Variants in RGS7 observed in about 807,000 individuals in gnomAD.
RGS7 encodes the protein regulator of G protein signaling 7.
In RGS7, 27 loss-of-function variants were observed where a neutral mutation model predicts 81.1. That is an observed-to-expected ratio of 0.33 (90% CI 0.25 to 0.46). The LOEUF is 0.46. Among genes scored for constraint, RGS7 ranks in the 20% least tolerant of loss-of-function variants. RGS7 has a pLI of 1.00. For missense variants in RGS7, 396 were observed against 607.4 expected (o/e 0.65, Z 3.66); for synonymous variants, 208 against 207.7 (o/e 1.00, Z -0.01).
At chr1:240,926,140 A>G (rs1674403245) in intron 6 of RGS7, among the ~76,000 whole-genome samples, 1 of 151,964 alleles carries the variant, frequency 6.6e-6, no homozygotes, top group South Asian at 2.1e-4. Flanking sequence ...AATTAGTTTT[A>G]TTTAGTTTAG....
At chr1:241,128,877 C>T (rs1164767911) in intron 2 of RGS7, among the ~76,000 whole-genome samples, 1 of 147,078 alleles carries the variant, frequency 6.8e-6, no homozygotes, top group Non-Finnish European at 1.5e-5. Context: ...GATTAATTTA[C>T]ATTTCCCTAC....
intron 2 of RGS7, among the ~76,000 whole-genome samples, chr1:241,241,154 G>A (rs1250625441): frequency 6.6e-6 from 1 of 152,000 alleles, no homozygotes; most frequent in Non-Finnish European, 1.5e-5. Context: ...CTAGAGGGGT[G>A]GGGTCTCAAC....
chr1:241,070,148 GT>G (rs1413746057), intron 3 of RGS7, among the ~76,000 whole-genome samples: 2 of 152,148 alleles, frequency 1.3e-5, no homozygotes, highest in Non-Finnish European at 2.9e-5. Context: ...GTGGACAGAG[GT>G]GAAGAGACAT....
chr1:241,048,878 C>G (rs961742493), intron 3 of RGS7, among the ~76,000 whole-genome samples: 1 of 152,188 alleles, frequency 6.6e-6, no homozygotes, highest in Admixed American at 6.5e-5. Context: ...GACCACACTG[C>G]CTCTGAAATC....
intron 6 of RGS7, among the ~76,000 whole-genome samples, chr1:240,875,545 C>A (rs565157214): frequency 2.6e-4 from 40 of 152,162 alleles, no homozygotes; most frequent in Admixed American, 1.4e-3. Flanking sequence ...TTGGGTAGAT[C>A]CCCAGAATTG....
intron 2 of RGS7, among the ~76,000 whole-genome samples, chr1:241,240,342 G>A (rs2076203222): frequency 6.6e-6 from 1 of 152,172 alleles, no homozygotes; most frequent in African/African-American, 2.4e-5. Flanking sequence ...ACGGGAAGAA[G>A]CAACGACTCA....
chr1:241,275,279 G>C (rs2078133288), intron 2 of RGS7, among the ~76,000 whole-genome samples: 1 of 152,166 alleles, frequency 6.6e-6, no homozygotes, highest in African/African-American at 2.4e-5. Flanking sequence ...GATAAAACAT[G>C]GTGGAGTACC....
intron 3 of RGS7, among the ~76,000 whole-genome samples, chr1:241,080,751 C>T (rs1219997804): frequency 1.3e-5 from 2 of 152,140 alleles, no homozygotes. Flanking sequence ...ATATTTTTAA[C>T]ACATGACTGG....
In RGS7 at chr1:240,949,623, A is replaced by G. The variant is rs371744048; in HGVS notation, c.227-12917T>C. Among the ~76,000 whole-genome samples, 20 of 152,202 alleles carry G rather than the reference A, an allele frequency of 1.3e-4. 1 individual carries two copies. The highest frequency in any genetic ancestry group is 4.1e-4 in the South Asian group (2 of 4,830). On this transcript the variant is annotated intron_variant, in intron 4 of 18. Coordinates refer to ENST00000440928, the MANE Select transcript of RGS7 (RefSeq NM_001364886.1). ...AGCATTTTGGGAGGCCAAGGTGGGC[A>G]GATCACCCGAGGTCAGGAGTTTGAG...
intron 3 of RGS7, among the ~76,000 whole-genome samples, chr1:241,028,053 T>G (rs1338750559): frequency 6.6e-6 from 1 of 152,204 alleles, no homozygotes; most frequent in Non-Finnish European, 1.5e-5. Context: ...TGAGCATGAT[T>G]ACTGGGCATC....
intron 2 of RGS7, among the ~76,000 whole-genome samples, chr1:241,339,739 T>C (rs1379218863): frequency 6.6e-6 from 1 of 152,180 alleles, no homozygotes; most frequent in Non-Finnish European, 1.5e-5. Context: ...TGCATGCCCT[T>C]TTTTTAAGAG....
At chr1:240,851,682 T>G (rs565621413) in intron 9 of RGS7, among the ~76,000 whole-genome samples, 1 of 152,286 alleles carries the variant, frequency 6.6e-6, no homozygotes, top group African/African-American at 2.4e-5. Context: ...GGAACATTTA[T>G]GATTCATGGG....
chr1:241,355,836 G>A lies in RGS7; in HGVS notation c.-50-10C>T. 1 of 1,433,058 alleles carries A rather than the reference G, an allele frequency of 7.0e-7. No individual in the cohort carries two copies. Among genetic ancestry groups the A allele is most frequent in the East Asian group, 2.3e-5 (1 of 43,942 alleles). 88.8% of individuals were successfully genotyped at this position (1,433,058 alleles called of 1,614,324 possible). A position where few individuals can be genotyped will look rare whatever the true frequency, so the allele number is the denominator to read the frequency against. ...GAATTATCAGTGTGCCCTGCAAAGG[G>A]TCAGAGAGACTTCAGTGAGATCCCA... On this transcript the variant is annotated splice_polypyrimidine_tract_variant and intron_variant, in intron 1 of 18. Coordinates refer to ENST00000440928, the MANE Select transcript of RGS7 (RefSeq NM_001364886.1).
At chr1:240,937,137 C>T (rs756307921) in intron 4 of RGS7, among the ~76,000 whole-genome samples, 6 of 152,114 alleles carry the variant, frequency 3.9e-5, no homozygotes, top group Non-Finnish European at 7.3e-5. Flanking sequence ...TAAACAGTAG[C>T]CAATCGGGTC....
chr1:241,027,171 C>T (rs1468705575), intron 3 of RGS7, among the ~76,000 whole-genome samples: 1 of 151,654 alleles, frequency 6.6e-6, no homozygotes, highest in Non-Finnish European at 1.5e-5. Flanking sequence ...TCATTGTACT[C>T]CAGCCTGGGT....
rs1316542947 is a variant in RGS7 at position 240,911,344 on chromosome 1, C to T, written c.385+19373G>A. On this transcript the variant is annotated intron_variant, in intron 6 of 18. Transcript: ENST00000440928. ...TGCCTTTGCTTCTTCACCTCTCATCCTCTCCCTGAAATCTGATCTCCCTAC... is the reference window on the plus strand; with the variant it reads ...TGCCTTTGCTTCTTCACCTCTCATCTTCTCCCTGAAATCTGATCTCCCTAC... Among the ~76,000 whole-genome samples the T allele has an allele frequency of 3.9e-5, 6 of 152,240 alleles. No homozygotes were observed. The East Asian group carries it at 1.2e-3, about 29-fold the overall frequency.
chr1:240,809,757 G>C (rs969615191), intron 14 of RGS7, among the ~76,000 whole-genome samples: 1 of 152,040 alleles, frequency 6.6e-6, no homozygotes, highest in Non-Finnish European at 1.5e-5. Flanking sequence ...GTGTCTTGTA[G>C]GTATTCAAGA....
chr1:241,344,331 A>G (rs2082754191), intron 2 of RGS7, among the ~76,000 whole-genome samples: 1 of 152,264 alleles, frequency 6.6e-6, no homozygotes, highest in South Asian at 2.1e-4. Flanking sequence ...ATTCTAAAAT[A>G]AGGTAAAGAA....
chr1:240,827,016 G>T, intron 10 of RGS7, 82 bp downstream of exon 10: 1 of 1,106,640 alleles, frequency 9.0e-7, no homozygotes, highest in Non-Finnish European at 1.4e-6. Context: ...TGCATGACAT[G>T]AGAAGAAAGT....
Sources: allele counts gnomAD v4.1 joint callset (sites outside exome capture counted in the v4.1 genomes callset), GRCh38; gene constraint gnomAD v4.1.1; transcripts MANE v1.5; gene names NCBI Gene and HGNC (gene_info 2026-07-23, HGNC 2026-07-21).